The following MYO5A variants were observed in gnomAD, a reference collection of about 807,000 sequenced individuals.
MYO5A encodes the protein myosin VA, also known as unconventional myosin-Va.
Under a neutral mutation model 249.7 loss-of-function variants are expected in MYO5A, and 98 were observed. That is an observed-to-expected ratio of 0.39 (90% CI 0.33 to 0.46). The LOEUF (loss-of-function observed/expected upper bound fraction) is 0.46. Among genes scored for constraint, MYO5A ranks in the 20% least tolerant of loss-of-function variants. The pLI is 0.98. For synonymous variants in MYO5A, 778 were observed against 810.6 expected, an observed-to-expected ratio of 0.96 and a Z score of 0.68; for missense variants, 1,696 against 2,308.8, an observed-to-expected ratio of 0.73 and a Z score of 5.44.
chr15:52,417,429 C>T (rs1036444128), intron 4 of MYO5A, among the ~76,000 whole-genome samples: 6 of 152,172 alleles, frequency 3.9e-5, no homozygotes, highest in African/African-American at 1.4e-4. Context: ...CAAACTCTAG[C>T]TCCTATTAAA....
rs1423500247 is a variant in MYO5A at position 52,336,774 on chromosome 15, G to A, written c.4315-218C>T. Among the ~76,000 whole-genome samples, 4 of 152,248 alleles carry A rather than the reference G, an allele frequency of 2.6e-5. 1 individual carries two copies. The highest frequency in any genetic ancestry group is 2.9e-5 in the Non-Finnish European group (2 of 68,042). On this transcript the variant is annotated intron_variant, in intron 33 of 41. Transcript: ENST00000399233. ...ACAACGCAGTAAACTCCTTTACAGC[G>A]TGATGGACAGCAGGCTCACTGCAGA... is the stretch of plus-strand genomic sequence containing the variant.
intron 15 of MYO5A, among the ~76,000 whole-genome samples, chr15:52,383,549 G>A (rs2041847991): frequency 6.6e-6 from 1 of 152,200 alleles, no homozygotes; most frequent in Non-Finnish European, 1.5e-5. Context: ...GGAAGATACT[G>A]GAAAACGTAG....
At chr15:52,335,994 CA>C (rs2039101284) in intron 34 of MYO5A, among the ~76,000 whole-genome samples, 1 of 152,050 alleles carries the variant, frequency 6.6e-6, no homozygotes, top group South Asian at 2.1e-4. Context: ...GCCTTTGGAC[CA>C]ACCTAATAGC....
At chr15:52,358,377 A>C (rs2040353770) in intron 25 of MYO5A, among the ~76,000 whole-genome samples, 1 of 152,184 alleles carries the variant, frequency 6.6e-6, no homozygotes, top group Admixed American at 6.5e-5. Context: ...TATCTACTGA[A>C]GGCTCAGAAG....
intron 1 of MYO5A, among the ~76,000 whole-genome samples, chr15:52,510,141 G>A (rs2077360208): frequency 6.6e-6 from 1 of 151,236 alleles, no homozygotes; most frequent in African/African-American, 2.4e-5. Context: ...CTCTGGCTGA[G>A]ACTCTGTTTT....
At chr15:52,480,678 CCA>C (rs1201317599) in intron 1 of MYO5A, among the ~76,000 whole-genome samples, 17 of 152,286 alleles carry the variant, frequency 1.1e-4, no homozygotes, top group Admixed American at 5.9e-4. Flanking sequence ...ACTTGGTTTC[CCA>C]CATTCTCTTT....
At chr15:52,333,678 T>G (rs184016318) in intron 34 of MYO5A, among the ~76,000 whole-genome samples, 1 of 152,312 alleles carries the variant, frequency 6.6e-6, no homozygotes, top group East Asian at 1.9e-4. Flanking sequence ...TGCCAAAAAT[T>G]ATATATGCTA....
chr15:52,341,298 G>A (rs1046975558), intron 31 of MYO5A, among the ~76,000 whole-genome samples: 4 of 152,164 alleles, frequency 2.6e-5, no homozygotes, highest in Admixed American at 2.0e-4. Context: ...ATATATTTTA[G>A]ATCTGTCATC....
In MYO5A at chr15:52,353,601, T is replaced by G; in HGVS notation, c.3621+4A>C. On this transcript the variant is annotated splice_donor_region_variant and intron_variant, in intron 27 of 41. Transcript: ENST00000399233. ...CAAAGTCTTGAGCAGAAACTCCCCA[T>G]TACCTTGAGTGACTCATATTCCAGT... The G allele has an allele frequency of 6.2e-7, 1 of 1,613,524 alleles. No homozygotes were observed. Among genetic ancestry groups the G allele is most frequent in the Non-Finnish European group, 8.5e-7 (1 of 1,179,400 alleles).
intron 12 of MYO5A, among the ~76,000 whole-genome samples, chr15:52,389,581 G>T (rs2042124630): frequency 6.6e-6 from 1 of 152,092 alleles, no homozygotes; most frequent in East Asian, 1.9e-4. Context: ...GGGCAACCCA[G>T]CCCAATCTTT....
intron 5 of MYO5A, among the ~76,000 whole-genome samples, chr15:52,415,647 T>C (rs1233961035): frequency 1.3e-5 from 2 of 152,246 alleles, no homozygotes; most frequent in African/African-American, 4.8e-5. Flanking sequence ...AAACTTTAGC[T>C]ATATTAAAAT....
At chr15:52,472,668 T>C (rs565210091) in intron 1 of MYO5A, among the ~76,000 whole-genome samples, 1 of 152,320 alleles carries the variant, frequency 6.6e-6, no homozygotes, top group South Asian at 2.1e-4. Flanking sequence ...TTGCGATAGT[T>C]TGCTCAGAAT....
In MYO5A at chr15:52,307,343, T is replaced by C. The variant is rs932941650; in HGVS notation, c.*6353A>G. ...AATAGCTAGGAGAATACAGCATTAA[T>C]GACACACATTTACTAAGCACAACAA... On this transcript the variant is annotated 3_prime_UTR_variant, in exon 42 of 42. Coordinates refer to ENST00000399233, the MANE Select transcript of MYO5A (RefSeq NM_001382347.1). 3 of 152,290 alleles carry C rather than the reference T, an allele frequency of 2.0e-5. No homozygotes were observed. 9.4% of individuals were successfully genotyped at this position (152,290 alleles called of 1,614,324 possible).
chr15:52,333,628 A>T (rs1443408208), intron 34 of MYO5A, among the ~76,000 whole-genome samples: 3 of 152,202 alleles, frequency 2.0e-5, no homozygotes, highest in Non-Finnish European at 2.9e-5. Flanking sequence ...CACAAAGCAG[A>T]TCAAATTTTG....
At chr15:52,430,862 GAAT>G (rs1567119012) in intron 2 of MYO5A, among the ~76,000 whole-genome samples, 1 of 152,040 alleles carries the variant, frequency 6.6e-6, no homozygotes, top group Non-Finnish European at 1.5e-5. Context: ...ATCAAAGGAA[GAAT>G]AATAGAATGA....
intron 1 of MYO5A, among the ~76,000 whole-genome samples, chr15:52,515,209 C>T (rs560079651): frequency 6.4e-4 from 96 of 150,732 alleles, no homozygotes; most frequent in African/African-American, 2.2e-3. Flanking sequence ...CTCACAAGGT[C>T]GAGACTGCAG....
At position 52,316,233 on chromosome 15, in the gene MYO5A, C is replaced by CAAAAAAAA. The variant is rs5812596; in HGVS notation, c.5409+807_5409+814dup. On this transcript the variant is annotated intron_variant, in intron 40 of 41. Transcript: ENST00000399233. Reference sequence around the variant, plus strand: ...TGGGCGACACAGCGAGACTCCGTCACAAAAAAAAAAAAAAAAAAAAAAAAA... The same window carrying CAAAAAAAA: ...TGGGCGACACAGCGAGACTCCGTCACAAAAAAAAAAAAAAAAAAAAAAAAAAAAAAAAA... 7.9e-3 allele frequency among the ~76,000 whole-genome samples: 479 copies of CAAAAAAAA among 60,344 alleles called. 1 individual carries two copies. Among genetic ancestry groups the CAAAAAAAA allele is most frequent in the Middle Eastern group, 0.03 (2 of 66 alleles). 39.6% of individuals were successfully genotyped at this position (60,344 alleles called of 152,430 possible).
chr15:52,354,333 T>G (rs1022075850), intron 25 of MYO5A, among the ~76,000 whole-genome samples: 2 of 152,182 alleles, frequency 1.3e-5, no homozygotes, highest in Non-Finnish European at 1.5e-5. Flanking sequence ...TTTGCCGAAC[T>G]TACTAAAATT....
intron 28 of MYO5A, among the ~76,000 whole-genome samples, chr15:52,350,086 C>T (rs952958424): frequency 2.0e-5 from 3 of 152,194 alleles, no homozygotes; most frequent in African/African-American, 7.2e-5. Context: ...GCGCCTGCCA[C>T]CACACCCGGT....
Sources: gnomAD v4.1 joint callset for allele counts (sites outside exome capture counted in the v4.1 genomes callset) on GRCh38, gnomAD v4.1.1 for gene constraint, MANE v1.5 for transcripts, NCBI Gene and HGNC (gene_info 2026-07-23, HGNC 2026-07-21) for gene names.